The following CA10 variants were observed in gnomAD, a reference collection of about 807,000 sequenced individuals.
CA10 encodes carbonic anhydrase-related protein 10.
CA10 carries 14 observed loss-of-function variants against 44.2 expected under a neutral mutation model. The observed-to-expected ratio is 0.32, with a 90% CI of 0.21 to 0.50. The LOEUF (loss-of-function observed/expected upper bound fraction) is 0.50. CA10 is among the 20% of genes least tolerant of loss of function. The pLI is 0.99. For missense variants in CA10, 350 were observed against 409.7 expected (o/e 0.85, Z 1.26); for synonymous variants, 159 against 141.6 (o/e 1.12, Z -0.87).
chr17:51,929,728 A>G (rs1172738870), intron 3 of CA10, among the ~76,000 whole-genome samples: 2 of 152,204 alleles, frequency 1.3e-5, no homozygotes, highest in Non-Finnish European at 2.9e-5. Context: ...AGAGAAATGT[A>G]CTTAGAAGCC....
chr17:52,120,565 G>A (rs143438054), intron 1 of CA10, among the ~76,000 whole-genome samples: 1 of 152,274 alleles, frequency 6.6e-6, no homozygotes, highest in African/African-American at 2.4e-5. Context: ...AGATGCAGGA[G>A]GCAGATAAGG....
chr17:52,100,949 C>T (rs1333529308), intron 1 of CA10, among the ~76,000 whole-genome samples: 1 of 152,164 alleles, frequency 6.6e-6, no homozygotes, highest in Non-Finnish European at 1.5e-5. Context: ...ATATTTTTCG[C>T]TACTCTGACT....
chr17:51,764,821 C>T (rs1905312407), intron 3 of CA10, among the ~76,000 whole-genome samples: 3 of 152,164 alleles, frequency 2.0e-5, no homozygotes, highest in Non-Finnish European at 4.4e-5. Flanking sequence ...TAGCTCTCCA[C>T]CTATAGGGAT....
chr17:52,065,358 G>A (rs1357035559), intron 2 of CA10, among the ~76,000 whole-genome samples: 1 of 152,174 alleles, frequency 6.6e-6, no homozygotes, highest in Non-Finnish European at 1.5e-5. Context: ...AAGGGTTGAG[G>A]AACAGCCTTT....
At position 51,649,114 on chromosome 17, in the gene CA10, C is replaced by T. The variant is rs929850460; in HGVS notation, c.634+68G>A. The stretch of plus-strand genomic sequence containing the variant: ...GGCCCATGGAGATCATCAGTTCTGG[C>T]TTCCCGCCTTCAGGCAGGTCTAACC... On this transcript the variant is annotated intron_variant, in intron 6 of 8. Transcript: ENST00000451037. The T allele has an allele frequency of 3.5e-6, 4 of 1,142,064 alleles. No homozygotes were observed. The African/African-American group carries it at 6.1e-5, about 17-fold the overall frequency. The allele number at this position is 1,142,064 out of a possible 1,614,324, so 70.7% of individuals were successfully genotyped here.
intron 3 of CA10, among the ~76,000 whole-genome samples, chr17:51,907,676 T>C (rs1175978982): frequency 5.3e-5 from 8 of 152,102 alleles, no homozygotes; most frequent in Non-Finnish European, 7.4e-5. Flanking sequence ...GACTGACCTA[T>C]ACACCTGTCT....
At chr17:51,929,933 G>A (rs1028149702) in intron 3 of CA10, among the ~76,000 whole-genome samples, 3 of 152,154 alleles carry the variant, frequency 2.0e-5, no homozygotes, top group African/African-American at 7.2e-5. Flanking sequence ...CACATGCAAT[G>A]TCTTTTAAAA....
intron 3 of CA10, among the ~76,000 whole-genome samples, chr17:51,890,029 C>A (rs535046500): frequency 6.6e-6 from 1 of 152,102 alleles, no homozygotes; most frequent in Non-Finnish European, 1.5e-5. Context: ...GCTCAATTCA[C>A]TTAGTTTTCT....
chr17:51,675,548 C>CAAA (rs34639980), intron 4 of CA10, among the ~76,000 whole-genome samples: 5 of 117,918 alleles, frequency 4.2e-5, no homozygotes, highest in Admixed American at 8.9e-5. Flanking sequence ...GACTCCATCT[C>CAAA]AAAAAAAAAA....
At chr17:51,751,354 G>A (rs1451835737) in intron 3 of CA10, among the ~76,000 whole-genome samples, 4 of 152,156 alleles carry the variant, frequency 2.6e-5, no homozygotes, top group African/African-American at 9.7e-5. Flanking sequence ...GGTGGTGATG[G>A]TTGTACAACA....
At chr17:51,704,755 G>T (rs571007808) in intron 4 of CA10, among the ~76,000 whole-genome samples, 3 of 152,248 alleles carry the variant, frequency 2.0e-5, no homozygotes, top group African/African-American at 7.2e-5. Flanking sequence ...CTAAGGTCAG[G>T]AGTTCAAGAC....
At chr17:51,878,163 A>AG (rs1980171812) in intron 3 of CA10, among the ~76,000 whole-genome samples, 2 of 145,510 alleles carry the variant, frequency 1.4e-5, no homozygotes, top group African/African-American at 2.8e-5. Context: ...AAAAAAAAAA[A>AG]AAAAGAAAAA....
intron 3 of CA10, among the ~76,000 whole-genome samples, chr17:51,809,092 TA>T (rs1039757291): frequency 0.038 from 4,528 of 119,774 alleles, 201 homozygotes; most frequent in African/African-American, 0.12. Flanking sequence ...GAGACCTAAA[TA>T]AAAAAAAAAA....
At chr17:51,712,826 T>G (rs1915984219) in intron 4 of CA10, among the ~76,000 whole-genome samples, 1 of 151,982 alleles carries the variant, frequency 6.6e-6, no homozygotes, top group African/African-American at 2.4e-5. Flanking sequence ...CTATGTGGAG[T>G]GGTTTCTTCT....
intron 2 of CA10, among the ~76,000 whole-genome samples, chr17:52,028,912 T>A (rs1178828814): frequency 6.6e-6 from 1 of 152,230 alleles, no homozygotes; most frequent in African/African-American, 2.4e-5. Context: ...CCACATAGCT[T>A]ACGCTAAAAC....
intron 4 of CA10, among the ~76,000 whole-genome samples, chr17:51,693,122 C>T (rs955738454): frequency 2.6e-5 from 4 of 152,144 alleles, no homozygotes; most frequent in Non-Finnish European, 5.9e-5. Context: ...TTCAGCAGGG[C>T]TCAACTGGTT....
chr17:51,633,816 A>C (rs763800520), intron 7 of CA10, among the ~76,000 whole-genome samples, 166 bp from the exon 8 acceptor site: 1 of 152,128 alleles, frequency 6.6e-6, no homozygotes, highest in African/African-American at 2.4e-5. Flanking sequence ...GTTGAGCTGA[A>C]GGCCCATTAT....
intron 2 of CA10, among the ~76,000 whole-genome samples, chr17:51,976,579 A>G (rs1984470311): frequency 6.9e-6 from 1 of 145,760 alleles, no homozygotes; most frequent in African/African-American, 2.4e-5. Context: ...TATGTATTAA[A>G]ATTTGTAGAA....
intron 3 of CA10, among the ~76,000 whole-genome samples, chr17:51,775,769 A>G (rs893848555): frequency 6.6e-6 from 1 of 152,172 alleles, no homozygotes; most frequent in African/African-American, 2.4e-5. Flanking sequence ...TCTCTGAGCA[A>G]GTAATATTTA....
Sources: allele counts gnomAD v4.1 joint callset (sites outside exome capture counted in the v4.1 genomes callset), GRCh38; gene constraint gnomAD v4.1.1; transcripts MANE v1.5; gene names NCBI Gene and HGNC (gene_info 2026-07-23, HGNC 2026-07-21).